The following CHODL variants were observed in gnomAD, a reference collection of about 807,000 sequenced individuals.
CHODL encodes the protein chondrolectin.
Under a neutral mutation model 34.5 loss-of-function variants are expected in CHODL, and 29 were observed. The observed-to-expected ratio is 0.84, with a 90% CI of 0.63 to 1.15. The LOEUF is 1.15. CHODL is among the 50% of genes most tolerant of loss of function. CHODL has a pLI of 0.00. For synonymous variants in CHODL, 125 were observed against 116.1 expected (o/e 1.08, Z -0.49); for missense variants, 332 against 332.5 (o/e 1.00, Z 0.01).
At chr21:18,035,371 T>C (rs3133059) in intron 2 of CHODL, among the ~76,000 whole-genome samples, 22,343 of 151,992 alleles carry the variant, frequency 0.15, 1,831 homozygotes, top group Middle Eastern at 0.24. Flanking sequence ...AGTGTTTTTT[T>C]CTCTGCTTTT....
At chr21:18,145,359 C>T (rs1374145446) in intron 2 of CHODL, among the ~76,000 whole-genome samples, 1 of 145,648 alleles carries the variant, frequency 6.9e-6, no homozygotes, top group Non-Finnish European at 1.5e-5. Flanking sequence ...ATGGCGTGAA[C>T]CCGGGAGGCG....
chr21:17,951,554 T>G (rs930744473), intron 1 of CHODL, among the ~76,000 whole-genome samples: 2 of 152,038 alleles, frequency 1.3e-5, no homozygotes, highest in Non-Finnish European at 2.9e-5. Context: ...ACAATCCACA[T>G]GTTAGATTTA....
intron 4 of CHODL, among the ~76,000 whole-genome samples, chr21:18,260,866 A>C (rs984421755): frequency 5.3e-5 from 8 of 152,090 alleles, no homozygotes; most frequent in Non-Finnish European, 7.4e-5. Flanking sequence ...ACCACCAACA[A>C]CAACAAAAGA....
At chr21:17,977,748 C>G (rs1036326375) in intron 1 of CHODL, among the ~76,000 whole-genome samples, 1 of 149,140 alleles carries the variant, frequency 6.7e-6, no homozygotes, top group Non-Finnish European at 1.5e-5. Flanking sequence ...GAAACTCTGT[C>G]TCTACTAAAA....
intron 2 of CHODL, among the ~76,000 whole-genome samples, chr21:18,099,419 A>G (rs1029689523): frequency 1.3e-5 from 2 of 151,562 alleles, no homozygotes; most frequent in African/African-American, 2.4e-5. Flanking sequence ...AATATATATT[A>G]CAATATAAAT....
At position 18,060,709 on chromosome 21, in the gene CHODL, C is replaced by CAAAAAAAAAAA. The variant is rs71318121; in HGVS notation, c.-45+32742_-45+32752dup. Among the ~76,000 whole-genome samples the CAAAAAAAAAAA allele has an allele frequency of 8.3e-4, 101 of 121,072 alleles. 2 individuals carry two copies. The highest frequency in any genetic ancestry group is 4.8e-3 in the Middle Eastern group (1 of 208). The allele number at this position is 121,072 out of a possible 152,430, so 79.4% of individuals were successfully genotyped here. On this transcript the variant is annotated intron_variant, in intron 2 of 6. Coordinates refer to the CHODL transcript ENST00000400127. ...CAGTAGTAAATCTTACTCCTCGGAC[C>CAAAAAAAAAAA]AAAAAAAAAAAAAAGAAAGCAAGCA...
At chr21:18,187,593 C>T (rs2073459513) in intron 2 of CHODL, among the ~76,000 whole-genome samples, 2 of 152,128 alleles carry the variant, frequency 1.3e-5, no homozygotes, top group African/African-American at 4.8e-5. Context: ...GCTCTCAAGG[C>T]TGCCTCTTTT....
intron 2 of CHODL, among the ~76,000 whole-genome samples, chr21:18,157,634 A>G (rs761567724): frequency 2.0e-5 from 3 of 152,252 alleles, no homozygotes; most frequent in Non-Finnish European, 4.4e-5. Flanking sequence ...AAAATGCCAT[A>G]TTCCAAACTG....
chr21:18,231,281 G>A (rs898988543), intron 2 of CHODL, among the ~76,000 whole-genome samples: 13 of 152,122 alleles, frequency 8.5e-5, no homozygotes, highest in African/African-American at 2.4e-4. Context: ...TGGATCCGAC[G>A]TCATGAAATG....
At chr21:17,986,218 A>G (rs1192109781) in intron 1 of CHODL, among the ~76,000 whole-genome samples, 1 of 151,812 alleles carries the variant, frequency 6.6e-6, no homozygotes, top group Non-Finnish European at 1.5e-5. Context: ...CAGAAACTGC[A>G]GTTTTGTTAC....
At chr21:17,981,270 A>G (rs986050771) in intron 1 of CHODL, among the ~76,000 whole-genome samples, 4 of 152,186 alleles carry the variant, frequency 2.6e-5, no homozygotes, top group African/African-American at 9.6e-5. Flanking sequence ...GCTCAGCTCT[A>G]TCTTTGTAGT....
At chr21:18,206,257 A>G (rs1024445557) in intron 2 of CHODL, among the ~76,000 whole-genome samples, 15 of 152,150 alleles carry the variant, frequency 9.9e-5, no homozygotes, top group African/African-American at 3.1e-4. Flanking sequence ...CTATTATTGT[A>G]TTGAAGTTGA....
chr21:18,214,967 G>T (rs1211937856), intron 2 of CHODL, among the ~76,000 whole-genome samples: 1 of 151,966 alleles, frequency 6.6e-6, no homozygotes, highest in East Asian at 1.9e-4. Flanking sequence ...GATAAAAATG[G>T]TAAACCAAAA....
At chr21:18,028,273 T>TCTCC (rs1189950541) in intron 2 of CHODL, among the ~76,000 whole-genome samples, 16 of 67,632 alleles carry the variant, frequency 2.4e-4, no homozygotes, top group African/African-American at 8.6e-4. Context: ...TCTTTTTCCT[T>TCTCC]TTCCCCTTCC....
At chr21:18,127,645 G>A (rs1332168786) in intron 2 of CHODL, among the ~76,000 whole-genome samples, 4 of 138,338 alleles carry the variant, frequency 2.9e-5, no homozygotes, top group Non-Finnish European at 1.5e-5. Flanking sequence ...AATCTTTTGT[G>A]GTTACATAAC....
At chr21:17,942,227 A>G (rs1277490499) in intron 1 of CHODL, among the ~76,000 whole-genome samples, 7 of 152,214 alleles carry the variant, frequency 4.6e-5, no homozygotes, top group Non-Finnish European at 1.0e-4. Context: ...ATAGTATAAT[A>G]TGGTTTGGCT....
At chr21:18,260,372 C>T in intron 4 of CHODL, 86 bp downstream of exon 4, 1 of 830,392 alleles carries the variant, frequency 1.2e-6, no homozygotes, top group Non-Finnish European at 1.9e-6. Flanking sequence ...TGAAACTTGT[C>T]TTGCCTGGGG....
At chr21:18,218,184 T>A (rs1398412154) in intron 2 of CHODL, among the ~76,000 whole-genome samples, 1 of 152,160 alleles carries the variant, frequency 6.6e-6, no homozygotes, top group Non-Finnish European at 1.5e-5. Context: ...GATCCTACAT[T>A]TCCCTTCCAC....
At chr21:18,105,456 G>GC (rs2065262168) in intron 2 of CHODL, among the ~76,000 whole-genome samples, 1 of 152,230 alleles carries the variant, frequency 6.6e-6, no homozygotes, top group Admixed American at 6.5e-5. Flanking sequence ...ATCTTTGTCT[G>GC]CTTAAGTCAG....
Sources: allele counts gnomAD v4.1 joint callset (sites outside exome capture counted in the v4.1 genomes callset), GRCh38; gene constraint gnomAD v4.1.1; transcripts MANE v1.5; gene names NCBI Gene and HGNC (gene_info 2026-07-23, HGNC 2026-07-21).